The following GRM5 variants were observed in gnomAD, a reference collection of about 807,000 sequenced individuals.
GRM5 encodes metabotropic glutamate receptor 5.
In GRM5, 19 loss-of-function variants were observed where a neutral mutation model predicts 83.1. The ratio of observed to expected loss-of-function variants is 0.23; its 90% CI spans 0.16 to 0.34. The LOEUF is 0.34. Among genes scored for constraint, GRM5 ranks in the 10% least tolerant of loss-of-function variants. GRM5 has a pLI of 1.00. For synonymous variants in GRM5, 675 were observed against 633.6 expected, an observed-to-expected ratio of 1.07 and a Z score of -0.98; for missense variants, 1,160 against 1,588.3, an observed-to-expected ratio of 0.73 and a Z score of 4.58.
chr11:88,583,636 G>A (rs1008578755), intron 7 of GRM5, among the ~76,000 whole-genome samples: 17 of 152,152 alleles, frequency 1.1e-4, no homozygotes, highest in African/African-American at 4.1e-4. Flanking sequence ...TGTTTCTGTG[G>A]CTTTGGACTG....
At chr11:88,536,564 C>G (rs1942139838) in intron 8 of GRM5, among the ~76,000 whole-genome samples, 1 of 152,160 alleles carries the variant, frequency 6.6e-6, no homozygotes, top group African/African-American at 2.4e-5. Flanking sequence ...TGTACCAACA[C>G]AAAGCTTTAT....
intron 3 of GRM5, among the ~76,000 whole-genome samples, chr11:88,659,273 A>G (rs562835021): frequency 6.6e-6 from 1 of 152,252 alleles, no homozygotes; most frequent in South Asian, 2.1e-4. Context: ...AAGGAAGAAA[A>G]TGAATATGAG....
At chr11:88,636,190 A>G (rs1341851619) in intron 4 of GRM5, among the ~76,000 whole-genome samples, 1 of 152,156 alleles carries the variant, frequency 6.6e-6, no homozygotes, top group Non-Finnish European at 1.5e-5. Flanking sequence ...TCCTTTCCTG[A>G]CCACAGGGAA....
chr11:88,864,246 T>C (rs1347157437), intron 2 of GRM5, among the ~76,000 whole-genome samples: 3 of 151,074 alleles, frequency 2.0e-5, no homozygotes, highest in African/African-American at 7.3e-5. Flanking sequence ...ACTTGATACA[T>C]AAAGAGGTGC....
chr11:88,707,121 A>G (rs1941179962), intron 3 of GRM5, among the ~76,000 whole-genome samples: 1 of 152,016 alleles, frequency 6.6e-6, no homozygotes, highest in African/African-American at 2.4e-5. Context: ...AGTGATTAAG[A>G]GTGTGGTATT....
intron 4 of GRM5, among the ~76,000 whole-genome samples, chr11:88,613,249 C>G (rs1157021331): frequency 6.6e-6 from 1 of 152,118 alleles, no homozygotes; most frequent in East Asian, 1.9e-4. Flanking sequence ...TCCAGAATAT[C>G]TTCATTAGTT....
intron 2 of GRM5, among the ~76,000 whole-genome samples, chr11:88,856,672 C>A (rs887110482): frequency 6.6e-6 from 1 of 151,786 alleles, no homozygotes; most frequent in African/African-American, 2.4e-5. Context: ...ATTGTATGTG[C>A]GGTATCTTTG....
intron 3 of GRM5, among the ~76,000 whole-genome samples, chr11:88,705,281 T>C (rs1304011452): frequency 6.6e-6 from 1 of 151,984 alleles, no homozygotes; most frequent in Non-Finnish European, 1.5e-5. Flanking sequence ...GGACCCTTAC[T>C]CAATTGACAA....
At chr11:88,957,734 T>C (rs950213938) in intron 2 of GRM5, among the ~76,000 whole-genome samples, 2 of 152,182 alleles carry the variant, frequency 1.3e-5, no homozygotes, top group African/African-American at 4.8e-5. Context: ...TATTGCAGGA[T>C]TAGTTCATGC....
chr11:88,597,679 T>G (rs1198327322), intron 5 of GRM5, among the ~76,000 whole-genome samples: 1 of 151,984 alleles, frequency 6.6e-6, no homozygotes, highest in African/African-American at 2.4e-5. Context: ...GATAGAAAGG[T>G]TTTTGTCTGT....
At chr11:89,043,570 G>GT (rs1430731713) in intron 2 of GRM5, among the ~76,000 whole-genome samples, 13 of 136,452 alleles carry the variant, frequency 9.5e-5, no homozygotes, top group African/African-American at 3.7e-4. Flanking sequence ...ATTAATGCAT[G>GT]TTATTTTTTT....
intron 3 of GRM5, among the ~76,000 whole-genome samples, chr11:88,669,485 G>T (rs1194146279): frequency 6.6e-6 from 1 of 151,792 alleles, no homozygotes; most frequent in Non-Finnish European, 1.5e-5. Context: ...AATAAGGAAA[G>T]AAAAGAAATA....
intron 3 of GRM5, among the ~76,000 whole-genome samples, chr11:88,663,388 A>C (rs1675305295): frequency 6.6e-6 from 1 of 152,188 alleles, no homozygotes; most frequent in South Asian, 2.1e-4. Flanking sequence ...ATCTTTATAA[A>C]TAGATTGATT....
At chr11:88,721,853 C>G (rs1941547618) in intron 3 of GRM5, among the ~76,000 whole-genome samples, 1 of 152,086 alleles carries the variant, frequency 6.6e-6, no homozygotes, top group Admixed American at 6.6e-5. Flanking sequence ...GAAAAGACAG[C>G]TTTTGTTCTC....
chr11:88,551,315 C>T (rs1354240034), intron 8 of GRM5, among the ~76,000 whole-genome samples: 2 of 152,090 alleles, frequency 1.3e-5, no homozygotes, highest in African/African-American at 4.8e-5. Flanking sequence ...CTGGAGTGTC[C>T]AAGAACTTGA....
intron 2 of GRM5, among the ~76,000 whole-genome samples, chr11:88,923,326 A>C (rs1945725797): frequency 6.6e-6 from 1 of 152,298 alleles, no homozygotes; most frequent in African/African-American, 2.4e-5. Flanking sequence ...ATGAATGGAT[A>C]AGGCAAATGT....
At chr11:89,019,909 C>T (rs1287338873) in intron 2 of GRM5, among the ~76,000 whole-genome samples, 1 of 152,018 alleles carries the variant, frequency 6.6e-6, no homozygotes, top group East Asian at 1.9e-4. Flanking sequence ...CTCTGGAGGC[C>T]CCTCTTATTA....
chr11:88,807,095 C>T (rs1943511599), intron 3 of GRM5, among the ~76,000 whole-genome samples: 1 of 152,122 alleles, frequency 6.6e-6, no homozygotes, highest in Non-Finnish European at 1.5e-5. Flanking sequence ...TCTCACTGGA[C>T]TCTACATCTC....
At chr11:88,967,256 T>TATATATATATACAC (rs1426380654) in intron 2 of GRM5, among the ~76,000 whole-genome samples, 3 of 22,556 alleles carry the variant, frequency 1.3e-4, no homozygotes, top group African/African-American at 4.6e-4. Context: ...CACATATATA[T>TATATATATATACAC]ATATATATAT....
Sources: gnomAD v4.1 joint callset for allele counts (sites outside exome capture counted in the v4.1 genomes callset) on GRCh38, gnomAD v4.1.1 for gene constraint, MANE v1.5 for transcripts, NCBI Gene and HGNC (gene_info 2026-07-23, HGNC 2026-07-21) for gene names.